The following ACOXL variants were observed in gnomAD, a reference collection of about 807,000 sequenced individuals.
ACOXL encodes acyl-CoA oxidase like.
A neutral mutation model predicts 71.9 loss-of-function variants in ACOXL; 70 were observed. The ratio of observed to expected loss-of-function variants is 0.97; its 90% CI spans 0.80 to 1.19. The LOEUF (loss-of-function observed/expected upper bound fraction) is 1.19, where lower values mean the gene tolerates loss of function less well. ACOXL is among the 50% of genes most tolerant of loss of function. The probability of loss-of-function intolerance (pLI) is 0.00; values close to 1 mark genes in which losing one functional copy is unlikely to be tolerated. For synonymous variants in ACOXL, 253 were observed against 281.6 expected, an observed-to-expected ratio of 0.90 and a Z score of 1.02; for missense variants, 703 against 736.3, an observed-to-expected ratio of 0.95 and a Z score of 0.52.
At chr2:110,938,043 C>T (rs1368630324) in intron 12 of ACOXL, among the ~76,000 whole-genome samples, 1 of 152,222 alleles carries the variant, frequency 6.6e-6, no homozygotes, top group East Asian at 1.9e-4. Flanking sequence ...AGACAGGTGG[C>T]TGCAGAGCCC....
At chr2:110,834,041 C>T (rs1009414321) in intron 9 of ACOXL, among the ~76,000 whole-genome samples, 1 of 152,138 alleles carries the variant, frequency 6.6e-6, no homozygotes, top group Non-Finnish European at 1.5e-5. Flanking sequence ...GTCCCCAAAT[C>T]CACCTTGGAA....
At chr2:111,059,709 A>G (rs2066710926) in intron 16 of ACOXL, among the ~76,000 whole-genome samples, 1 of 151,974 alleles carries the variant, frequency 6.6e-6, no homozygotes, top group Non-Finnish European at 1.5e-5. Flanking sequence ...TGTGCCTCAT[A>G]CATTCCAGAG....
chr2:110,933,795 T>C (rs950292701), intron 12 of ACOXL, among the ~76,000 whole-genome samples, 153 bp downstream of exon 12: 3 of 152,244 alleles, frequency 2.0e-5, no homozygotes, highest in Non-Finnish European at 4.4e-5. Context: ...CTCATAGTCT[T>C]GTGTGTCTCC....
intron 14 of ACOXL, among the ~76,000 whole-genome samples, chr2:111,030,444 C>T (rs961960005): frequency 6.6e-6 from 1 of 152,140 alleles, no homozygotes; most frequent in African/African-American, 2.4e-5. Context: ...GTGTGGATCC[C>T]GAGGCACCCA....
chr2:110,789,898 G>C (rs1283568214), intron 3 of ACOXL, among the ~76,000 whole-genome samples: 1 of 152,242 alleles, frequency 6.6e-6, no homozygotes, highest in Non-Finnish European at 1.5e-5. Flanking sequence ...TGCAGCCGGG[G>C]AGCCGGCAGG....
chr2:111,090,813 AG>A (rs1271672159), intron 16 of ACOXL, among the ~76,000 whole-genome samples: 4 of 152,340 alleles, frequency 2.6e-5, no homozygotes, highest in Middle Eastern at 3.4e-3. Context: ...GACTTGTGAT[AG>A]ATGTCTTCCA....
In ACOXL at chr2:110,769,781, C is replaced by A. The variant is rs545402809; in HGVS notation, c.75+1317C>A. 3.9e-5 allele frequency among the ~76,000 whole-genome samples: 6 copies of A among 152,242 alleles called. No homozygotes were observed. In the East Asian group the frequency reaches 9.7e-4, roughly 25 times the overall value. ...ACCAGGAGGCGGAGGTTGCGGTGAG[C>A]TGAGATTGCGCCACTGCACTCCAGC... On this transcript the variant is annotated intron_variant, in intron 2 of 17. Transcript: ENST00000439055.
chr2:110,827,065 C>T (rs1192159080), intron 9 of ACOXL, among the ~76,000 whole-genome samples: 2 of 152,176 alleles, frequency 1.3e-5, no homozygotes, highest in Admixed American at 1.3e-4. Context: ...TGTGCACAGA[C>T]AACTGCATAA....
intron 14 of ACOXL, among the ~76,000 whole-genome samples, chr2:111,002,180 A>T (rs1642181450): frequency 2.0e-5 from 3 of 152,226 alleles, no homozygotes; most frequent in African/African-American, 7.2e-5. Context: ...CTGGACTGTC[A>T]TCTCATGAGA....
intron 9 of ACOXL, among the ~76,000 whole-genome samples, chr2:110,808,102 G>A (rs1327619733): frequency 6.6e-6 from 1 of 152,110 alleles, no homozygotes; most frequent in African/African-American, 2.4e-5. Flanking sequence ...AGAACACGAG[G>A]AGAAGGAAGC....
In ACOXL at chr2:111,014,088, A is replaced by G. The variant is rs187708600; in HGVS notation, c.1282-17539A>G. 1.6e-3 allele frequency among the ~76,000 whole-genome samples: 244 copies of G among 152,334 alleles called. 1 individual carries two copies. Among genetic ancestry groups the G allele is most frequent in the African/African-American group, 5.5e-3 (228 of 41,578 alleles). Reference sequence around the variant, plus strand: ...AGAAAGGAATTTCCTCAATTTTTGGAGAGTATATCTACAAAAGAACCTACA... The same window carrying G: ...AGAAAGGAATTTCCTCAATTTTTGGGGAGTATATCTACAAAAGAACCTACA... On this transcript the variant is annotated intron_variant, in intron 14 of 17. Transcript: ENST00000439055.
chr2:110,863,949 G>A (rs1295681284), intron 10 of ACOXL, among the ~76,000 whole-genome samples: 1 of 152,152 alleles, frequency 6.6e-6, no homozygotes, highest in East Asian at 1.9e-4. Context: ...GGTGCACCTA[G>A]GCTAGAGCTT....
At chr2:110,885,350 G>A (rs1697149851) in intron 10 of ACOXL, among the ~76,000 whole-genome samples, 1 of 152,196 alleles carries the variant, frequency 6.6e-6, no homozygotes, top group Non-Finnish European at 1.5e-5. Flanking sequence ...TAATGATTAT[G>A]TAAGTTGGCC....
intron 15 of ACOXL, among the ~76,000 whole-genome samples, chr2:111,038,087 C>T (rs1162874052): frequency 6.6e-6 from 1 of 152,214 alleles, no homozygotes. Flanking sequence ...AGTGAGGGCT[C>T]AGCCTATCAG....
At chr2:110,869,154 C>G (rs763041838) in intron 10 of ACOXL, among the ~76,000 whole-genome samples, 1 of 152,092 alleles carries the variant, frequency 6.6e-6, no homozygotes, top group South Asian at 2.1e-4. Flanking sequence ...GCCACATGGC[C>G]GATGTCACAC....
At chr2:110,835,967 A>G (rs1264564377) in intron 9 of ACOXL, among the ~76,000 whole-genome samples, 2 of 152,230 alleles carry the variant, frequency 1.3e-5, no homozygotes, top group East Asian at 1.9e-4. Context: ...TCATTTCACA[A>G]TGAAGAAACA....
At chr2:111,003,969 A>G (rs1311038696) in intron 14 of ACOXL, among the ~76,000 whole-genome samples, 2 of 152,192 alleles carry the variant, frequency 1.3e-5, no homozygotes, top group Non-Finnish European at 2.9e-5. Context: ...GGACTTCTAC[A>G]TTCTAGTTTG....
At chr2:110,954,890 A>G (rs182032222) in intron 12 of ACOXL, among the ~76,000 whole-genome samples, 1 of 152,312 alleles carries the variant, frequency 6.6e-6, no homozygotes, top group African/African-American at 2.4e-5. Context: ...TGTTCAGTAT[A>G]GAATTCATTG....
chr2:111,112,052 TTTG>T (rs1291494508), intron 17 of ACOXL, among the ~76,000 whole-genome samples: 1 of 152,208 alleles, frequency 6.6e-6, no homozygotes, highest in Non-Finnish European at 1.5e-5. Flanking sequence ...CAAAAGTGAT[TTTG>T]TTGTTGTTTG....
Sources: gnomAD v4.1 joint callset for allele counts (sites outside exome capture counted in the v4.1 genomes callset) on GRCh38, gnomAD v4.1.1 for gene constraint, MANE v1.5 for transcripts, NCBI Gene and HGNC (gene_info 2026-07-23, HGNC 2026-07-21) for gene names.